MTHFS: variants seen among roughly 807,000 people sequenced by gnomAD.
MTHFS encodes the protein 5-formyltetrahydrofolate cyclo-ligase.
In MTHFS, 7 loss-of-function variants were observed where a neutral mutation model predicts 12.7. That is an observed-to-expected ratio of 0.55 (90% CI 0.31 to 1.03). MTHFS has a LOEUF of 1.03. MTHFS is among the 50% of genes least tolerant of loss of function. The pLI is 0.05. For synonymous variants in MTHFS, 100 were observed against 97.1 expected, an observed-to-expected ratio of 1.03 and a Z score of -0.18; for missense variants, 252 against 258.1, an observed-to-expected ratio of 0.98 and a Z score of 0.16.
intron 2 of MTHFS, among the ~76,000 whole-genome samples, chr15:79,846,043 A>G (rs1347503086): frequency 1.3e-5 from 2 of 152,212 alleles, no homozygotes; most frequent in African/African-American, 2.4e-5. Flanking sequence ...GGGACCCACA[A>G]CTAGTTCTCT....
chr15:79,886,848 T>A (rs1250461970), intron 2 of MTHFS, among the ~76,000 whole-genome samples: 1 of 152,234 alleles, frequency 6.6e-6, no homozygotes, highest in Non-Finnish European at 1.5e-5. Flanking sequence ...ACTTGGCTAG[T>A]AATGAGTTTA....
intron 1 of MTHFS, among the ~76,000 whole-genome samples, chr15:79,895,073 G>C (rs910239828): frequency 2.0e-5 from 3 of 151,740 alleles, no homozygotes; most frequent in Admixed American, 6.6e-5. Context: ...TCTCACAATC[G>C]ACCTACAAGA....
intron 2 of MTHFS, among the ~76,000 whole-genome samples, chr15:79,883,946 C>G (rs2141372288): frequency 6.6e-6 from 1 of 152,276 alleles, no homozygotes; most frequent in Middle Eastern, 3.4e-3. Flanking sequence ...ACTTTCACAG[C>G]AAAGCACATA....
Position 79,889,292 on chromosome 15 carries a change from A to C in MTHFS, c.180T>G (p.Asp60Glu), listed in dbSNP as rs1246835579. The C allele has an allele frequency of 6.2e-7, 1 of 1,614,114 alleles. No homozygotes were observed. The highest frequency in any genetic ancestry group is 2.2e-5 in the East Asian group (1 of 44,892). The change falls in exon 2 of 3, where the codon GAT (aspartate) becomes GAG (glutamate). Residue 60 changes from aspartate to glutamate, a missense_variant. Transcript: ENST00000258874. ...TGATGATCTCTTCTGTCTCAATTTC[A>C]TCTTGCATGCTCAGAAAGATGGAAA... ...KRISIFLSMQDEIETEEIIKD... is the reference protein window; with the variant it reads ...KRISIFLSMQEEIETEEIIKD...
At chr15:79,889,403 A>G (rs551291029) in intron 1 of MTHFS, 49 bp from the exon 2 acceptor site, 20 of 1,523,684 alleles carry the variant, frequency 1.3e-5, no homozygotes, top group South Asian at 2.4e-5. Context: ...ATATTTAGCA[A>G]CTCCTCTTAA....
intron 2 of MTHFS, among the ~76,000 whole-genome samples, chr15:79,851,710 A>G (rs2033719601): frequency 6.6e-6 from 1 of 152,218 alleles, no homozygotes; most frequent in Non-Finnish European, 1.5e-5. Flanking sequence ...CCCTAAAGTC[A>G]TTCAACTCAT....
At chr15:79,865,190 C>T (rs985262926) in intron 2 of MTHFS, among the ~76,000 whole-genome samples, 8 of 152,130 alleles carry the variant, frequency 5.3e-5, no homozygotes, top group South Asian at 4.1e-4. Flanking sequence ...TACAAGAAAA[C>T]GAAGTGGAAA....
intron 2 of MTHFS, among the ~76,000 whole-genome samples, chr15:79,867,367 C>T (rs1455925944): frequency 1.4e-5 from 2 of 144,816 alleles, no homozygotes; most frequent in African/African-American, 2.6e-5. Context: ...AATAAGATTA[C>T]GTAGCAAAAA....
chr15:79,868,432 G>A (rs557926997), intron 2 of MTHFS, among the ~76,000 whole-genome samples: 17 of 152,264 alleles, frequency 1.1e-4, no homozygotes, highest in African/African-American at 4.1e-4. Context: ...TACTATGAAG[G>A]GTTTGGGGAA....
At position 79,845,321 on chromosome 15, in the gene MTHFS, C is replaced by T. The variant is rs2033590998; in HGVS notation, c.501G>A (p.Lys167=). 6.2e-7 allele frequency: 1 copy of T among 1,614,098 alleles called. No homozygotes were observed. The highest frequency in any genetic ancestry group is 2.2e-5 in the East Asian group (1 of 44,894). Residue 167 remains lysine, a synonymous_variant, in exon 3 of 3, where the codon AAG becomes AAA. Coordinates refer to ENST00000258874, the MANE Select transcript of MTHFS (RefSeq NM_006441.4). ...LKRCLQHQEV[K]PYTLALAFKE... is the part of the protein sequence containing the mutation. ...TGAAAGCCAACGCCAGGGTGTAGGGCTTCACTTCCTGATGCTGCAAACAGC... is the reference window on the plus strand; with the variant it reads ...TGAAAGCCAACGCCAGGGTGTAGGGTTTCACTTCCTGATGCTGCAAACAGC...
intron 2 of MTHFS, among the ~76,000 whole-genome samples, chr15:79,873,121 T>C (rs2034134975): frequency 6.6e-6 from 1 of 152,078 alleles, no homozygotes; most frequent in Non-Finnish European, 1.5e-5. Context: ...TCCCCATCCT[T>C]CTTTCTGTAT....
At position 79,874,992 on chromosome 15, in the gene MTHFS, G is replaced by A. The variant is rs373095281; in HGVS notation, c.379+14101C>T. Among the ~76,000 whole-genome samples the A allele has an allele frequency of 4.6e-5, 7 of 152,074 alleles. No individual in the cohort carries two copies. The South Asian group carries it at 1.5e-3, about 32-fold the overall frequency. On this transcript the variant is annotated intron_variant, in intron 2 of 2. Transcript: ENST00000258874. ...TAACGCAATCATCACAGGGTCCTGA[G>A]GCGACACACATCCCCAGCTTACAAA...
At chr15:79,871,550 A>C (rs1424915474) in intron 2 of MTHFS, among the ~76,000 whole-genome samples, 1 of 149,528 alleles carries the variant, frequency 6.7e-6, no homozygotes. Context: ...TTTTTTTTTT[A>C]GTGTTCAATT....
chr15:79,863,071 T>C (rs1165869932), intron 2 of MTHFS, among the ~76,000 whole-genome samples: 1 of 152,246 alleles, frequency 6.6e-6, no homozygotes, highest in Non-Finnish European at 1.5e-5. Flanking sequence ...TCTTCTGCAT[T>C]CTTTGCCTAG....
intron 2 of MTHFS, among the ~76,000 whole-genome samples, chr15:79,850,395 T>C (rs2033694050): frequency 6.6e-6 from 1 of 152,228 alleles, no homozygotes; most frequent in Non-Finnish European, 1.5e-5. Flanking sequence ...ACATTTTTCC[T>C]ACAAAAGACC....
At chr15:79,896,755 G>T in intron 1 of MTHFS, 117 bp downstream of exon 1, 1 of 1,437,976 alleles carries the variant, frequency 7.0e-7, no homozygotes, top group Non-Finnish European at 9.1e-7. Context: ...GCGCGCCGGG[G>T]GGTGGGGGGG....
rs368951864 is a variant in MTHFS, at chr15:79,850,819, TGAA to T, written c.380-5380_380-5378del. Among the ~76,000 whole-genome samples, 445 of 152,060 alleles carry T rather than the reference TGAA, an allele frequency of 2.9e-3. 1 individual carries two copies. Among genetic ancestry groups the T allele is most frequent in the Middle Eastern group, 0.017 (5 of 294 alleles). ...CTAGGTAGTAGGCCTCGAAAAAAAATGAAGAAGTAAGATTCTATAAATGCCTCT... is the reference window on the plus strand; with the variant it reads ...CTAGGTAGTAGGCCTCGAAAAAAAATGAAGTAAGATTCTATAAATGCCTCT... On this transcript the variant is annotated intron_variant, in intron 2 of 2. Coordinates refer to ENST00000258874, the MANE Select transcript of MTHFS (RefSeq NM_006441.4).
At chr15:79,897,283 G>A (rs1461827696), upstream of MTHFS, 1 of 445,368 alleles carries the variant, frequency 2.2e-6, no homozygotes, top group Non-Finnish European at 3.9e-6. Flanking sequence ...CCTGAGCCTG[G>A]GCCCTCACCG....
chr15:79,850,842 G>A (rs547835102), intron 2 of MTHFS, among the ~76,000 whole-genome samples: 36 of 152,248 alleles, frequency 2.4e-4, no homozygotes, highest in African/African-American at 7.9e-4. Flanking sequence ...TTCTATAAAT[G>A]CCTCTACTTC....
Sources: gnomAD v4.1 joint callset for allele counts (sites outside exome capture counted in the v4.1 genomes callset) on GRCh38, gnomAD v4.1.1 for gene constraint, MANE v1.5 for transcripts, NCBI Gene and HGNC (gene_info 2026-07-23, HGNC 2026-07-21) for gene names.